DPF3: variants seen among roughly 807,000 people sequenced by gnomAD.
DPF3 encodes the protein double PHD fingers 3, also known as zinc finger protein DPF3.
A neutral mutation model predicts 56.8 loss-of-function variants in DPF3; 18 were observed. The ratio of observed to expected loss-of-function variants is 0.32; its 90% CI spans 0.22 to 0.47. DPF3 has a LOEUF of 0.47. DPF3 is among the 20% of genes least tolerant of loss of function. The pLI is 1.00. For synonymous variants in DPF3, 188 were observed against 180.2 expected (o/e 1.04, Z -0.35); for missense variants, 403 against 488.8 (o/e 0.82, Z 1.65).
chr14:72,764,497 T>G (rs1042239965), intron 2 of DPF3, among the ~76,000 whole-genome samples: 3 of 132,906 alleles, frequency 2.3e-5, no homozygotes, highest in Non-Finnish European at 3.2e-5. Flanking sequence ...TTTTTTTTTT[T>G]TTTTTTTTTT....
rs138384294 is a variant in DPF3 at position 72,826,824 on chromosome 14, C to T, written c.33-54931G>A. Among the ~76,000 whole-genome samples the T allele has an allele frequency of 4.5e-3, 690 of 152,132 alleles. 4 individuals carry two copies. Among genetic ancestry groups the T allele is most frequent in the African/African-American group, 0.016 (657 of 41,494 alleles). ...TTGGGAGGCAGACGTGGGTGGATCA[C>T]GAAGTCATGAGATCAAGACCATCCT... On this transcript the variant is annotated intron_variant, in intron 1 of 10. Coordinates refer to ENST00000556509, the MANE Select transcript of DPF3 (RefSeq NM_001280542.3).
chr14:72,662,745 G>A, intron 8 of DPF3: 1 of 993,858 alleles, frequency 1.0e-6, no homozygotes, highest in Non-Finnish European at 1.2e-6. Context: ...GGAGGAGGAG[G>A]AGGAGGTGCC....
At chr14:72,718,642 T>C (rs1889032498) in intron 5 of DPF3, among the ~76,000 whole-genome samples, 1 of 152,162 alleles carries the variant, frequency 6.6e-6, no homozygotes, top group Non-Finnish European at 1.5e-5. Context: ...TTTTAATTTC[T>C]AAAATGGCAA....
intron 8 of DPF3, 174 bp downstream of exon 8, chr14:72,674,066 G>A: frequency 9.5e-7 from 1 of 1,052,270 alleles, no homozygotes; most frequent in Admixed American, 3.3e-5. Context: ...ATAACTTTTG[G>A]TTCTTGAGAC....
chr14:72,784,165 AC>A (rs773951932), intron 1 of DPF3, among the ~76,000 whole-genome samples: 1 of 152,068 alleles, frequency 6.6e-6, no homozygotes, highest in Non-Finnish European at 1.5e-5. Flanking sequence ...GTTGAGAGTC[AC>A]CCCAATCTCT....
chr14:72,756,222 C>T (rs1890783378), intron 2 of DPF3, among the ~76,000 whole-genome samples: 1 of 152,200 alleles, frequency 6.6e-6, no homozygotes, highest in Non-Finnish European at 1.5e-5. Context: ...AACTACTTTT[C>T]TGTTACTTTG....
At chr14:72,879,780 C>A (rs575394881) in intron 1 of DPF3, 3 of 1,524,850 alleles carry the variant, frequency 2.0e-6, no homozygotes, top group Non-Finnish European at 2.6e-6. Flanking sequence ...AGTTCACACA[C>A]GTCTCTCACA....
intron 7 of DPF3, among the ~76,000 whole-genome samples, chr14:72,677,406 T>C (rs551299375): frequency 6.6e-6 from 1 of 152,282 alleles, no homozygotes; most frequent in East Asian, 1.9e-4. Context: ...AGAGCAAGGG[T>C]TCTCCCATGG....
chr14:72,769,918 T>G (rs1191011083), intron 2 of DPF3, among the ~76,000 whole-genome samples: 1 of 152,106 alleles, frequency 6.6e-6, no homozygotes, highest in Non-Finnish European at 1.5e-5. Flanking sequence ...GGGAAAAAAG[T>G]CATTTATCCT....
chr14:72,784,127 C>G (rs976411633), intron 1 of DPF3, among the ~76,000 whole-genome samples: 3 of 152,136 alleles, frequency 2.0e-5, no homozygotes, highest in Non-Finnish European at 2.9e-5. Context: ...AACAAAGAAG[C>G]ACTGAGTCTC....
At chr14:72,640,118 T>G (rs1428780598) in intron 8 of DPF3, among the ~76,000 whole-genome samples, 1 of 87,574 alleles carries the variant, frequency 1.1e-5, no homozygotes, top group Non-Finnish European at 2.3e-5. Flanking sequence ...CAGCAGGAAA[T>G]ATAAGGTGCA....
chr14:72,668,534 T>TA (rs1320723644), intron 8 of DPF3, among the ~76,000 whole-genome samples: 2 of 152,184 alleles, frequency 1.3e-5, no homozygotes, highest in African/African-American at 4.8e-5. Context: ...CTATTAAATA[T>TA]AAAATAGACA....
At chr14:72,739,448 G>A (rs1393700154) in intron 3 of DPF3, among the ~76,000 whole-genome samples, 1 of 152,184 alleles carries the variant, frequency 6.6e-6, no homozygotes, top group Non-Finnish European at 1.5e-5. Flanking sequence ...TGGCACAGGT[G>A]AGATGCTCAA....
At chr14:72,690,252 A>C (rs1441983400) in intron 7 of DPF3, among the ~76,000 whole-genome samples, 1 of 152,172 alleles carries the variant, frequency 6.6e-6, no homozygotes, top group African/African-American at 2.4e-5. Flanking sequence ...AGGGGAGAAC[A>C]CTAGAAGGCC....
chr14:72,818,351 C>A (rs1049615018), intron 1 of DPF3, among the ~76,000 whole-genome samples: 1 of 152,012 alleles, frequency 6.6e-6, no homozygotes, highest in Non-Finnish European at 1.5e-5. Flanking sequence ...GGAAAAATAA[C>A]CTGGACTTCA....
intron 3 of DPF3, among the ~76,000 whole-genome samples, chr14:72,749,785 T>G (rs564162135): frequency 6.6e-6 from 1 of 151,482 alleles, no homozygotes; most frequent in South Asian, 2.1e-4. Flanking sequence ...CTGGGGAAGT[T>G]GAGGCTGCAG....
intron 3 of DPF3, among the ~76,000 whole-genome samples, chr14:72,738,652 G>A (rs1599397826): frequency 6.6e-6 from 1 of 152,286 alleles, no homozygotes; most frequent in East Asian, 1.9e-4. Flanking sequence ...GGAGAGGCTG[G>A]TCAGATGGTA....
intron 1 of DPF3, among the ~76,000 whole-genome samples, chr14:72,886,805 T>C (rs1416642545): frequency 6.6e-6 from 1 of 152,032 alleles, no homozygotes; most frequent in Non-Finnish European, 1.5e-5. Context: ...AAATCTGAGA[T>C]GTTCTGGAGA....
intron 1 of DPF3, among the ~76,000 whole-genome samples, chr14:72,843,052 T>A (rs1312527117): frequency 6.6e-6 from 1 of 151,962 alleles, no homozygotes; most frequent in Admixed American, 6.6e-5. Flanking sequence ...TAAACATGAT[T>A]AAGGATAAAG....
Sources: gnomAD v4.1 joint callset for allele counts (sites outside exome capture counted in the v4.1 genomes callset) on GRCh38, gnomAD v4.1.1 for gene constraint, MANE v1.5 for transcripts, NCBI Gene and HGNC (gene_info 2026-07-23, HGNC 2026-07-21) for gene names.